Variants in KRT82 observed in about 807,000 individuals in gnomAD.
KRT82 encodes the protein keratin 82.
KRT82 carries 44 observed loss-of-function variants against 48.0 expected under a neutral mutation model. The ratio of observed to expected loss-of-function variants is 0.92; its 90% confidence interval spans 0.72 to 1.18. The LOEUF is 1.18. Ranked by LOEUF, KRT82 falls within the 50% of genes most tolerant of loss-of-function variation. KRT82 has a pLI of 0.00. For synonymous variants in KRT82, 297 were observed against 278.3 expected (o/e 1.07, Z -0.67); for missense variants, 701 against 671.4 (o/e 1.04, Z -0.49).
At chr12:52,405,271 T>C (rs1233509755) in intron 1 of KRT82, among the ~76,000 whole-genome samples, 1 of 152,240 alleles carries the variant, frequency 6.6e-6, no homozygotes, top group Non-Finnish European at 1.5e-5. Context: ...GTTCCTGCAG[T>C]GGGTGCAGAT....
At chr12:52,403,664 C>A in intron 2 of KRT82, 37 bp downstream of exon 2, 1 of 1,306,224 alleles carries the variant, frequency 7.7e-7, no homozygotes, top group Non-Finnish European at 1.1e-6. Context: ...TCCCTTGCCC[C>A]AGGTCCACCA....
intron 2 of KRT82, 78 bp from the exon 3 acceptor site, chr12:52,401,427 G>A: frequency 7.0e-7 from 1 of 1,419,186 alleles, no homozygotes; most frequent in Non-Finnish European, 9.9e-7. Flanking sequence ...GGCCTTTGGG[G>A]GCAACTCTGC....
chr12:52,395,836 T>C (rs1395254342), intron 7 of KRT82, 46 bp from the exon 8 acceptor site: 1 of 1,472,022 alleles, frequency 6.8e-7, no homozygotes, highest in Non-Finnish European at 9.2e-7. Flanking sequence ...ATCAAACAGA[T>C]GCAGGTAAAT....
At chr12:52,398,706 C>T (rs1028430543) in intron 5 of KRT82, among the ~76,000 whole-genome samples, 1 of 152,092 alleles carries the variant, frequency 6.6e-6, no homozygotes, top group Admixed American at 6.5e-5. Flanking sequence ...GAGCTGACTC[C>T]ATTTCAAGTT....
chr12:52,401,235 C>T, intron 3 of KRT82, 54 bp downstream of exon 3: 2 of 1,517,026 alleles, frequency 1.3e-6, no homozygotes, highest in Non-Finnish European at 1.8e-6. Context: ...GCTAGGTGGC[C>T]TGGGGCAACG....
At chr12:52,395,320 C>T in intron 8 of KRT82, 125 bp from the exon 9 acceptor site, 1 of 729,434 alleles carries the variant, frequency 1.4e-6, no homozygotes, top group Non-Finnish European at 2.2e-6. Flanking sequence ...CACCCCATTC[C>T]AGCCTCCAGC....
rs1939843402 is a variant in KRT82, at chr12:52,405,739, A to T, written c.411+128T>A. 4.6e-6 allele frequency: 4 copies of T among 868,800 alleles called. No individual in the cohort carries two copies. In the East Asian group the frequency reaches 7.5e-5, roughly 16 times the overall value. 53.8% of individuals were successfully genotyped at this position (868,800 alleles called of 1,614,324 possible). ...CAAAGGCTGGTGGTCGTGGAATGTG[A>T]GGGAGGCCACTGGATAAACTGAGGC... On this transcript the variant is annotated intron_variant, in intron 1 of 8. Coordinates refer to ENST00000257974, the MANE Select transcript of KRT82 (RefSeq NM_033033.4).
chr12:52,398,931 C>A (rs1360351933), intron 5 of KRT82, among the ~76,000 whole-genome samples: 1 of 152,166 alleles, frequency 6.6e-6, no homozygotes, highest in Non-Finnish European at 1.5e-5. Flanking sequence ...TGTCCTAGCA[C>A]CTGCTGCTCA....
At position 52,406,097 on chromosome 12, in the gene KRT82, C is replaced by T. The variant is rs920844901; in HGVS notation, c.181G>A (p.Gly61Ser). 1 of 1,613,428 alleles carries T rather than the reference C, an allele frequency of 6.2e-7. No homozygotes were observed. Among genetic ancestry groups the T allele is most frequent in the African/African-American group, 1.3e-5 (1 of 75,044 alleles). ...GAGGCTACCCGGGGCCTCCCAAAGC[C>T]CACGTTGCACAGGCTCCGTGAGCCA... ...CLGSRSLCNVGFGRPRVASRC... is the reference protein window; with the variant it reads ...CLGSRSLCNVSFGRPRVASRC... Residue 61 changes from glycine (G) to serine (S), a missense_variant, in exon 1 of 9, where the codon GGC (glycine) becomes AGC (serine). Physicochemically the swap from Gly to Ser is moderately conservative, Grantham distance 56. Coordinates refer to ENST00000257974, the MANE Select transcript of KRT82 (RefSeq NM_033033.4).
chr12:52,403,654 T>C (rs375285121), intron 2 of KRT82, 47 bp downstream of exon 2: 8 of 1,193,084 alleles, frequency 6.7e-6, no homozygotes, highest in Non-Finnish European at 9.9e-6. Flanking sequence ...ACTGTTTCTG[T>C]CCCTTGCCCC....
rs1939855845 is a variant in KRT82 at position 52,406,289 on chromosome 12, G to A, written c.-12C>T. 1 of 1,566,920 alleles carries A rather than the reference G, an allele frequency of 6.4e-7. No homozygotes were observed. Among genetic ancestry groups the A allele is most frequent in the Non-Finnish European group, 8.7e-7 (1 of 1,155,422 alleles). On this transcript the variant is annotated 5_prime_UTR_variant, in exon 1 of 9. Coordinates refer to ENST00000257974, the MANE Select transcript of KRT82 (RefSeq NM_033033.4). ...GAGTGGTACGACATGGCAGGAGAGA[G>A]AGGCAGAGAAATGCGGCCCTGGAGG...
chr12:52,395,816 A>T, intron 7 of KRT82, 26 bp from the exon 8 acceptor site: 1 of 1,520,010 alleles, frequency 6.6e-7, no homozygotes, highest in South Asian at 1.3e-5. Context: ...AAAAGAAAAC[A>T]GGTATCTACA....
At position 52,396,157 on chromosome 12, in the gene KRT82, G is replaced by T. The variant is rs751305235; in HGVS notation, c.1144C>A (p.Leu382Met). 1.7e-5 allele frequency: 27 copies of T among 1,614,068 alleles called. No homozygotes were observed. The Admixed American group carries it at 3.7e-4, about 22-fold the overall frequency. The change falls in exon 7 of 9, where the codon CTG (leucine) becomes ATG (methionine). Residue 382 changes from leucine to methionine, a missense_variant. Physicochemically the swap from Leu to Met is conservative, Grantham distance 15 (BLOSUM62 2). Transcript: ENST00000257974. ...EAALNDAKCK[L>M]AGLEEALQKA... ...TGCAGAGCCTCCTCCAGCCCTGCCA[G>T]CTTGCACTTGGCATCATTGAGAGCC...
chr12:52,400,232 C>A (rs1939770542), intron 4 of KRT82, 83 bp from the exon 5 acceptor site: 1 of 1,393,902 alleles, frequency 7.2e-7, no homozygotes, highest in African/African-American at 1.4e-5. Context: ...TCTGACCTTC[C>A]CAGAGCAGAG....
rs749936952 is a variant in KRT82 at position 52,396,233 on chromosome 12, C to T, written c.1069-1G>A. The T allele has an allele frequency of 1.9e-6, 3 of 1,610,910 alleles. No individual in the cohort carries two copies. Among genetic ancestry groups the T allele is most frequent in the South Asian group, 2.2e-5 (2 of 90,950 alleles). ...CTATGGCACCCTCAAGTTTGCAGCG[C>T]TGTGGGAGGGGCGCAGAAAAGCATC... On this transcript the variant is annotated splice_acceptor_variant, in intron 6 of 8. Coordinates refer to ENST00000257974, the MANE Select transcript of KRT82 (RefSeq NM_033033.4). LOFTEE classifies it high-confidence loss of function.
rs1450351503 is a variant in KRT82, at chr12:52,406,291, G to A, written c.-14C>T. ...GTGGTACGACATGGCAGGAGAGAGA[G>A]GCAGAGAAATGCGGCCCTGGAGGAA... On this transcript the variant is annotated 5_prime_UTR_variant, in exon 1 of 9. Coordinates refer to ENST00000257974, the MANE Select transcript of KRT82 (RefSeq NM_033033.4). The A allele has an allele frequency of 9.6e-6, 15 of 1,564,498 alleles. No homozygotes were observed. Among genetic ancestry groups the A allele is most frequent in the Non-Finnish European group, 1.3e-5 (15 of 1,154,488 alleles).
At position 52,396,223 on chromosome 12, in the gene KRT82, G is replaced by A; in HGVS notation, c.1078C>T (p.Leu360Phe). The change falls in exon 7 of 9, where the codon CTT becomes TTT. Residue 360 changes from leucine (L) to phenylalanine (F), a missense_variant. By Grantham distance (22) the Leu-to-Phe change is conservative. Transcript: ENST00000257974. ...TCTGCCTCAGCTATGGCACCCTCAA[G>A]TTTGCAGCGCTGTGGGAGGGGCGCA... The part of the protein sequence containing the change: ...TENVKAQRCK[L>F]EGAIAEAEQQ... 1.2e-6 allele frequency: 2 copies of A among 1,612,768 alleles called. No homozygotes were observed. Among genetic ancestry groups the A allele is most frequent in the Non-Finnish European group, 8.5e-7 (1 of 1,179,942 alleles).
chr12:52,402,944 T>C (rs1431177054), intron 2 of KRT82, among the ~76,000 whole-genome samples: 3 of 152,146 alleles, frequency 2.0e-5, no homozygotes, highest in African/African-American at 7.2e-5. Flanking sequence ...AGGCACTGGA[T>C]TCCCATGGGG....
rs139996519 is a variant in KRT82, at chr12:52,395,031, G to T, written c.1486C>A (p.Arg496=). 1 of 1,613,870 alleles carries T rather than the reference G, an allele frequency of 6.2e-7. No individual in the cohort carries two copies. Among genetic ancestry groups the T allele is most frequent in the Non-Finnish European group, 8.5e-7 (1 of 1,179,974 alleles). ...PQGLLSCGSG[R]KSSMTLGAGG... The stretch of plus-strand genomic sequence containing the variant: ...GCTCCTAGCGTCATGCTGGATTTCC[G>T]CCCGCTCCCACAGCTCAGTAGCCCC... The change falls in exon 9 of 9, where the codon CGG becomes AGG. Residue 496 remains arginine (R), a synonymous_variant. Transcript: ENST00000257974.
Sources: gnomAD v4.1 joint callset for allele counts (sites outside exome capture counted in the v4.1 genomes callset) on GRCh38, gnomAD v4.1.1 for gene constraint, MANE v1.5 for transcripts, NCBI Gene and HGNC (gene_info 2026-07-23, HGNC 2026-07-21) for gene names.